Variants in IGSF11 observed in about 807,000 individuals in gnomAD.
The protein encoded by IGSF11 is CXADR like 1.
In IGSF11, 22 loss-of-function variants were observed where a neutral mutation model predicts 41.0. That is an observed-to-expected ratio of 0.54 (90% CI 0.38 to 0.77). IGSF11 has a LOEUF of 0.77. Among genes scored for constraint, IGSF11 ranks in the 30% least tolerant of loss-of-function variants. The pLI, the probability that IGSF11 is intolerant of heterozygous loss-of-function variation, is 0.00. For synonymous variants in IGSF11, 219 were observed against 201.3 expected (o/e 1.09, Z -0.74); for missense variants, 444 against 530.8 (o/e 0.84, Z 1.61).
intron 1 of IGSF11, chr3:118,947,090 C>G (rs1391090362): frequency 6.6e-6 from 1 of 152,250 alleles, no homozygotes; most frequent in East Asian, 1.9e-4. Context: ...TCAACTACAA[C>G]TTTCCTTCGC....
intron 1 of IGSF11, among the ~76,000 whole-genome samples, chr3:119,139,651 A>G (rs142442283): frequency 2.0e-5 from 3 of 152,244 alleles, no homozygotes; most frequent in African/African-American, 7.2e-5. Context: ...AAACCTCTTT[A>G]TTTTGTAAAC....
chr3:118,937,505 C>T (rs995206957), intron 1 of IGSF11, among the ~76,000 whole-genome samples: 16 of 151,628 alleles, frequency 1.1e-4, no homozygotes, highest in African/African-American at 3.4e-4. Flanking sequence ...ACTGCCATCT[C>T]AACTAAAAAA....
intron 1 of IGSF11, among the ~76,000 whole-genome samples, chr3:118,939,006 T>A (rs1047190449): frequency 2.0e-5 from 3 of 152,152 alleles, no homozygotes; most frequent in Admixed American, 1.3e-4. Context: ...CTGCAACACG[T>A]CTCAATCATT....
chr3:119,011,332 G>GA (rs1160539619), intron 1 of IGSF11, among the ~76,000 whole-genome samples: 1 of 152,142 alleles, frequency 6.6e-6, no homozygotes, highest in East Asian at 1.9e-4. Flanking sequence ...GATAGTGAGG[G>GA]AAAACCATGG....
At chr3:119,049,687 A>C (rs1032042864) in intron 1 of IGSF11, among the ~76,000 whole-genome samples, 5 of 152,202 alleles carry the variant, frequency 3.3e-5, no homozygotes, top group African/African-American at 1.2e-4. Flanking sequence ...GCCCTCATTG[A>C]CAAGTCAATC....
intron 1 of IGSF11, among the ~76,000 whole-genome samples, chr3:118,941,523 T>A (rs1943701269): frequency 6.6e-6 from 1 of 152,162 alleles, no homozygotes; most frequent in Non-Finnish European, 1.5e-5. Flanking sequence ...CTGAAGGAAA[T>A]GAAATGTAGT....
chr3:119,097,986 T>TTTA (rs71156730), intron 1 of IGSF11, among the ~76,000 whole-genome samples: 1 of 143,562 alleles, frequency 7.0e-6, no homozygotes, highest in East Asian at 2.0e-4. Flanking sequence ...TTTTTTTTTT[T>TTTA]AGAGACAGGG....
At chr3:119,032,876 T>C (rs1384108594) in intron 1 of IGSF11, among the ~76,000 whole-genome samples, 1 of 152,192 alleles carries the variant, frequency 6.6e-6, no homozygotes, top group Non-Finnish European at 1.5e-5. Context: ...ACCACCACCT[T>C]TCCCCACCAG....
intron 1 of IGSF11, among the ~76,000 whole-genome samples, chr3:119,116,873 C>T (rs188838400): frequency 1.4e-3 from 206 of 152,274 alleles, no homozygotes; most frequent in African/African-American, 4.5e-3. Flanking sequence ...AACCCCACTC[C>T]TGTAGCCCCA....
intron 1 of IGSF11, among the ~76,000 whole-genome samples, chr3:119,087,254 A>T (rs55923630): frequency 0.23 from 35,711 of 152,152 alleles, 5,129 homozygotes; most frequent in Middle Eastern, 0.36. Context: ...AAAAGAAGTC[A>T]TTATATGAAA....
rs182889012 is a variant in IGSF11, at chr3:119,011,082, T to C, written c.52+23449A>G. On this transcript the variant is annotated intron_variant, in intron 1 of 6. Transcript: ENST00000393775. ...ATTAATCCTTCCACAAATAACAACG[T>C]TGGACAACATATGAAAAACAATTAC... Among the ~76,000 whole-genome samples the C allele has an allele frequency of 2.1e-4, 32 of 152,244 alleles. 1 individual carries two copies. Among genetic ancestry groups the C allele is most frequent in the African/African-American group, 7.5e-4 (31 of 41,532 alleles).
At chr3:119,095,523 A>G (rs1041110281) in intron 1 of IGSF11, among the ~76,000 whole-genome samples, 2 of 152,234 alleles carry the variant, frequency 1.3e-5, no homozygotes, top group Non-Finnish European at 2.9e-5. Flanking sequence ...ATTTTACTCT[A>G]CTTACAAGCT....
chr3:118,962,295 A>C (rs1576491871), intron 1 of IGSF11, among the ~76,000 whole-genome samples: 1 of 152,210 alleles, frequency 6.6e-6, no homozygotes, highest in Non-Finnish European at 1.5e-5. Context: ...TTGTAATTAC[A>C]TGACTATAAT....
At chr3:119,048,323 C>T (rs1443800447) in intron 1 of IGSF11, among the ~76,000 whole-genome samples, 13 of 151,820 alleles carry the variant, frequency 8.6e-5, no homozygotes, top group Non-Finnish European at 1.9e-4. Context: ...GATATCACCA[C>T]CGATCCCACA....
chr3:119,026,724 A>T (rs1939864572), intron 1 of IGSF11, among the ~76,000 whole-genome samples: 1 of 152,244 alleles, frequency 6.6e-6, no homozygotes, highest in African/African-American at 2.4e-5. Context: ...AAAACCACTT[A>T]TGCTGCATAC....
chr3:119,031,839 A>AACACTGAAAAGGCTC (rs1940428769), intron 1 of IGSF11, among the ~76,000 whole-genome samples: 1 of 152,244 alleles, frequency 6.6e-6, no homozygotes, highest in South Asian at 2.1e-4. Context: ...AATTTTTAAT[A>AACACTGAAAAGGCTC]ATGGTAACAC....
In IGSF11 at chr3:118,967,977, AAGAG is replaced by A. The variant is rs142007678; in HGVS notation, c.53-37706_53-37703del. Among the ~76,000 whole-genome samples, 32 of 150,848 alleles carry A rather than the reference AAGAG, an allele frequency of 2.1e-4. 1 individual carries two copies. The East Asian group carries it at 2.7e-3, about 13-fold the overall frequency. ...TAGTTTCCAGTTCACTCCAGTAGGA[AAGAG>A]AGAGAGAGAGAGAATTTTTGAGATC... On this transcript the variant is annotated intron_variant, in intron 1 of 6. Coordinates refer to ENST00000393775, the MANE Select transcript of IGSF11 (RefSeq NM_001015887.3).
At chr3:119,107,659 GC>G (rs2077058611), upstream of IGSF11, among the ~76,000 whole-genome samples, 5 of 152,114 alleles carry the variant, frequency 3.3e-5, no homozygotes, top group Admixed American at 6.5e-5. Flanking sequence ...TGAAGCTCTT[GC>G]CCATGCCTAT....
chr3:119,046,513 T>G (rs1371233022), intron 1 of IGSF11, among the ~76,000 whole-genome samples: 8 of 151,844 alleles, frequency 5.3e-5, no homozygotes, highest in African/African-American at 1.9e-4. Context: ...CAAATCTATG[T>G]CTGATTGGTG....
Sources: allele counts gnomAD v4.1 joint callset (sites outside exome capture counted in the v4.1 genomes callset), GRCh38; gene constraint gnomAD v4.1.1; transcripts MANE v1.5; gene names NCBI Gene and HGNC (gene_info 2026-07-23, HGNC 2026-07-21).